MN1: variants seen among roughly 807,000 people sequenced by gnomAD.
MN1 encodes MN1 proto-oncogene, transcriptional regulator, also known as transcriptional activator MN1.
In MN1, 19 loss-of-function variants were observed where a neutral mutation model predicts 86.9. That is an observed-to-expected ratio of 0.22 (90% CI 0.15 to 0.32). MN1 has a LOEUF of 0.32. MN1 is among the 10% of genes least tolerant of loss of function. The pLI, the probability that MN1 is intolerant of heterozygous loss-of-function variation, is 1.00. For synonymous variants in MN1, 928 were observed against 849.6 expected (o/e 1.09, Z -1.60); for missense variants, 1,841 against 1,862.0 (o/e 0.99, Z 0.21).
intron 1 of MN1, among the ~76,000 whole-genome samples, chr22:27,780,254 C>T (rs1568977310): frequency 1.3e-5 from 2 of 152,090 alleles, no homozygotes; most frequent in East Asian, 1.9e-4. Flanking sequence ...CTAATCTGAC[C>T]GTGCCTACAA....
chr22:27,751,527 G>C (rs527460704), intron 1 of MN1, among the ~76,000 whole-genome samples: 2 of 152,250 alleles, frequency 1.3e-5, no homozygotes, highest in East Asian at 1.9e-4. Context: ...GGATTGTCTG[G>C]GTCCAGAACA....
Position 27,800,300 on chromosome 22 carries a change from C to T in MN1, c.244G>A (p.Gly82Arg), listed in dbSNP as rs775031996. The T allele has an allele frequency of 3.1e-5, 49 of 1,576,412 alleles. No homozygotes were observed. Among genetic ancestry groups the T allele is most frequent in the Non-Finnish European group, 4.0e-5 (47 of 1,161,542 alleles). Residue 82 changes from glycine to arginine, a missense_variant, in exon 1 of 2, where the codon GGG (glycine) becomes AGG (arginine). Physicochemically the swap from Gly to Arg is moderately radical, Grantham distance 125. Coordinates refer to ENST00000302326, the MANE Select transcript of MN1 (RefSeq NM_002430.3). ...CCGTGCACAGGCTGCGCTTGCAGCC[C>T]CCCTGCGTGCAACTCCGAGTGGCCG... ...ARGHSELHAG[G>R]LQAQPVHGFF...
intron 1 of MN1, among the ~76,000 whole-genome samples, chr22:27,786,093 T>TG (rs1054148160): frequency 6.6e-6 from 1 of 152,118 alleles, no homozygotes; most frequent in Non-Finnish European, 1.5e-5. Flanking sequence ...AAGCAAATGG[T>TG]GGGGGGTGCC....
intron 1 of MN1, among the ~76,000 whole-genome samples, chr22:27,784,882 C>CG (rs978707254): frequency 6.7e-6 from 1 of 150,054 alleles, no homozygotes; most frequent in African/African-American, 2.5e-5. Context: ...GGTTGTGGGT[C>CG]GGGGGGAGTT....
intron 1 of MN1, among the ~76,000 whole-genome samples, chr22:27,774,618 T>A (rs1932953062): frequency 6.6e-6 from 1 of 152,192 alleles, no homozygotes; most frequent in Admixed American, 6.5e-5. Context: ...TAGGAATAAA[T>A]GATAATAATA....
intron 1 of MN1, among the ~76,000 whole-genome samples, chr22:27,791,565 C>A (rs532886510): frequency 2.0e-5 from 3 of 152,036 alleles, no homozygotes; most frequent in Non-Finnish European, 4.4e-5. Flanking sequence ...TGCAGCCCCC[C>A]ACCCCCTCCG....
chr22:27,753,009 G>A (rs1238004335), intron 1 of MN1, among the ~76,000 whole-genome samples: 6 of 152,240 alleles, frequency 3.9e-5, no homozygotes, highest in Non-Finnish European at 5.9e-5. Flanking sequence ...TCCTCCCAGA[G>A]GGATGGGCCC....
chr22:27,800,528 G>T lies in MN1; in HGVS notation c.16C>A (p.Gln6Lys), dbSNP rs1195840796. MFGLDQFEPQVNSRNA... is the reference protein window; with the variant it reads MFGLDKFEPQVNSRNA... ...CTGCTGTTGACCTGGGGCTCGAATT[G>T]GTCCAGCCCAAACATACTTGGCGGG... The change falls in exon 1 of 2, where the codon CAA (glutamine) becomes AAA (lysine). Residue 6 changes from glutamine (Q) to lysine (K), a missense_variant. Transcript: ENST00000302326. The T allele has an allele frequency of 3.7e-6, 6 of 1,614,050 alleles. No homozygotes were observed. Among genetic ancestry groups the T allele is most frequent in the Middle Eastern group, 1.6e-4 (1 of 6,082 alleles).
At chr22:27,751,180 A>AT in intron 1 of MN1, 84 bp from the exon 2 acceptor site, 1 of 1,242,636 alleles carries the variant, frequency 8.0e-7, no homozygotes, top group Non-Finnish European at 1.1e-6. Context: ...TGGCAGAGGC[A>AT]TACAAGACAG....
In MN1 at chr22:27,792,422, T is replaced by C. The variant is rs193248644; in HGVS notation, c.3781+4341A>G. 2.0e-3 allele frequency among the ~76,000 whole-genome samples: 293 copies of C among 149,922 alleles called. 1 individual carries two copies. The highest frequency in any genetic ancestry group is 3.3e-3 in the Non-Finnish European group (224 of 67,604). Reference sequence around the variant, plus strand: ...AAATCAAAACAGCCAGAAAACCCAGTGGTAGAAAACCATGACAAGTTCAAC... The same window carrying C: ...AAATCAAAACAGCCAGAAAACCCAGCGGTAGAAAACCATGACAAGTTCAAC... On this transcript the variant is annotated intron_variant, in intron 1 of 1. Coordinates refer to ENST00000302326, the MANE Select transcript of MN1 (RefSeq NM_002430.3).
At position 27,773,155 on chromosome 22, in the gene MN1, C is replaced by T. The variant is rs1448035347; in HGVS notation, c.3782-22059G>A. 3.3e-5 allele frequency among the ~76,000 whole-genome samples: 5 copies of T among 151,856 alleles called. 1 individual carries two copies. The highest frequency in any genetic ancestry group is 2.1e-4 in the South Asian group (1 of 4,768). On this transcript the variant is annotated intron_variant, in intron 1 of 1. Transcript: ENST00000302326. ...CCCATTTGCAGGTCAGAGGCTCCCC[C>T]GAGACACCAAGAAGAAAAGGGGGCC...
At chr22:27,762,208 G>A (rs892617963) in intron 1 of MN1, among the ~76,000 whole-genome samples, 1 of 152,240 alleles carries the variant, frequency 6.6e-6, no homozygotes, top group Non-Finnish European at 1.5e-5. Context: ...CCGGGGGGCT[G>A]AGGGCCAGTC....
At chr22:27,754,344 T>C (rs979202434) in intron 1 of MN1, among the ~76,000 whole-genome samples, 1 of 152,210 alleles carries the variant, frequency 6.6e-6, no homozygotes, top group African/African-American at 2.4e-5. Flanking sequence ...TGAACACTTC[T>C]GTGTATTATC....
rs148836234 is a variant in MN1 at position 27,749,108 on chromosome 22, G to A, written c.*1807C>T. The stretch of plus-strand genomic sequence containing the variant: ...CCTCTGAAGGCGGGGTTTGCTCCTC[G>A]TCAAGACTGCCCAGGCGAGAACCGC... On this transcript the variant is annotated 3_prime_UTR_variant, in exon 2 of 2. Coordinates refer to ENST00000302326, the MANE Select transcript of MN1 (RefSeq NM_002430.3). 457 of 231,992 alleles carry A rather than the reference G, an allele frequency of 2.0e-3. 2 individuals are homozygous for A. The highest frequency in any genetic ancestry group is 2.9e-3 in the Non-Finnish European group (342 of 117,276). 14.4% of individuals were successfully genotyped at this position (231,992 alleles called of 1,614,324 possible).
chr22:27,781,390 C>A (rs1483990626), intron 1 of MN1, among the ~76,000 whole-genome samples: 1 of 152,172 alleles, frequency 6.6e-6, no homozygotes, highest in Non-Finnish European at 1.5e-5. Context: ...CATCAGGGAC[C>A]CATAGCATTC....
At chr22:27,760,430 GC>G (rs147075917) in intron 1 of MN1, among the ~76,000 whole-genome samples, 2,805 of 152,168 alleles carry the variant, frequency 0.018, 102 homozygotes, top group African/African-American at 0.064. Flanking sequence ...GATCTATTGA[GC>G]CCAGGAGATT....
chr22:27,766,301 G>A (rs1340997680), intron 1 of MN1, among the ~76,000 whole-genome samples: 1 of 152,174 alleles, frequency 6.6e-6, no homozygotes, highest in Non-Finnish European at 1.5e-5. Flanking sequence ...GTTGGAGAGA[G>A]GATTGAGCGA....
chr22:27,787,188 T>G (rs1933145990), intron 1 of MN1, among the ~76,000 whole-genome samples: 2 of 152,218 alleles, frequency 1.3e-5, no homozygotes, highest in South Asian at 4.1e-4. Context: ...GCAAAAGGCA[T>G]TCAAAGCTTT....
rs1211664936 is a variant in MN1 at position 27,797,634 on chromosome 22, G to A, written c.2910C>T (p.Gly970=). The A allele has an allele frequency of 1.3e-6, 2 of 1,593,886 alleles. No individual in the cohort carries two copies. The highest frequency in any genetic ancestry group is 2.3e-5 in the East Asian group (1 of 44,238). The stretch of plus-strand genomic sequence containing the variant: ...GCTGCCCTGGGCTCACCCCAGGTGC[G>A]CCCCCGCTGTCCGGAGCCGCCGAGT... ...DKYSAAPDSG[G]APGVSPGQQQ... The change falls in exon 1 of 2, where the codon GGC becomes GGT. Residue 970 remains glycine, a synonymous_variant. Transcript: ENST00000302326.
Sources: gnomAD v4.1 joint callset for allele counts (sites outside exome capture counted in the v4.1 genomes callset) on GRCh38, gnomAD v4.1.1 for gene constraint, MANE v1.5 for transcripts, NCBI Gene and HGNC (gene_info 2026-07-23, HGNC 2026-07-21) for gene names.